Variants in FBXO4 observed in about 807,000 individuals in gnomAD.
FBXO4 encodes F-box only protein 4.
FBXO4 carries 36 observed loss-of-function variants against 43.7 expected under a neutral mutation model. The observed-to-expected ratio is 0.82, with a 90% CI of 0.63 to 1.09. The LOEUF (loss-of-function observed/expected upper bound fraction) is 1.09, where lower values mean the gene tolerates loss of function less well. FBXO4 is among the 50% of genes least tolerant of loss of function. The pLI, the probability that FBXO4 is intolerant of heterozygous loss-of-function variation, is 0.00. For synonymous variants in FBXO4, 180 were observed against 165.6 expected, an observed-to-expected ratio of 1.09 and a Z score of -0.67; for missense variants, 435 against 474.1, an observed-to-expected ratio of 0.92 and a Z score of 0.77.
Position 41,927,264 on chromosome 5 carries a change from T to TA in FBXO4, c.425+17dup, listed in dbSNP as rs768724269. On this transcript the variant is annotated intron_variant, in intron 2 of 6. Coordinates refer to ENST00000281623, the MANE Select transcript of FBXO4 (RefSeq NM_012176.3). ...ACATGGCAGTGTAAGTATCTAGTTT[T>TA]ATGAATTAAAAAGAAGCTATTAAAT... 5 of 1,530,722 alleles carry TA rather than the reference T, an allele frequency of 3.3e-6. No individual in the cohort carries two copies. The East Asian group carries it at 1.1e-4, about 35-fold the overall frequency. 94.8% of individuals were successfully genotyped at this position (1,530,722 alleles called of 1,614,324 possible).
chr5:41,936,278 G>C (rs2112582497), intron 5 of FBXO4, among the ~76,000 whole-genome samples: 1 of 152,310 alleles, frequency 6.6e-6, no homozygotes, highest in South Asian at 2.1e-4. Flanking sequence ...TCTAGGTCAG[G>C]TACAGTGGCT....
the FBXO4 span, among the ~76,000 whole-genome samples, chr5:42,040,319 G>T: frequency 6.6e-6 from 1 of 151,868 alleles, no homozygotes; most frequent in Non-Finnish European, 1.5e-5. Context: ...TTTTGGTTTC[G>T]TTTGTTTACT....
At chr5:41,933,270 C>T (rs1352560511) in intron 3 of FBXO4, among the ~76,000 whole-genome samples, 6 of 152,152 alleles carry the variant, frequency 3.9e-5, no homozygotes, top group African/African-American at 1.4e-4. Context: ...GGCTGGAGTA[C>T]AGTGGCATGA....
At chr5:41,999,507 GTATA>G in the FBXO4 span, among the ~76,000 whole-genome samples, 132 of 108,776 alleles carry the variant, frequency 1.2e-3, no homozygotes, top group African/African-American at 2.7e-3. Flanking sequence ...ATATATATGT[GTATA>G]TATATATATA....
chr5:41,952,622 TC>T, the FBXO4 span, among the ~76,000 whole-genome samples: 1 of 152,140 alleles, frequency 6.6e-6, no homozygotes, highest in Non-Finnish European at 1.5e-5. Context: ...TCTTCCCATG[TC>T]CTGTCCACTC....
At chr5:42,002,495 T>C in the FBXO4 span, among the ~76,000 whole-genome samples, 5 of 152,218 alleles carry the variant, frequency 3.3e-5, no homozygotes, top group Admixed American at 1.3e-4. Flanking sequence ...CATTTCCTTT[T>C]ATGATTGCCC....
the FBXO4 span, among the ~76,000 whole-genome samples, chr5:41,997,876 C>G: frequency 6.6e-6 from 1 of 152,112 alleles, no homozygotes; most frequent in Admixed American, 6.6e-5. Flanking sequence ...CTCAAGGGGA[C>G]CCAGCCTCCC....
At chr5:41,941,772 C>T (rs1407186396), downstream of FBXO4, 1 of 152,680 alleles carries the variant, frequency 6.5e-6, no homozygotes, top group Non-Finnish European at 1.5e-5. Context: ...AATATTATGG[C>T]CATACAATCT....
chr5:41,953,640 A>G, the FBXO4 span, among the ~76,000 whole-genome samples: 1 of 151,300 alleles, frequency 6.6e-6, no homozygotes, highest in Non-Finnish European at 1.5e-5. Context: ...CTATTTCTCC[A>G]CATCCTCTCC....
the FBXO4 span, among the ~76,000 whole-genome samples, chr5:41,953,863 AT>A: frequency 2.0e-5 from 3 of 151,924 alleles, no homozygotes; most frequent in African/African-American, 7.3e-5. Context: ...TTTCTTGTAA[AT>A]TTGTTGGAGT....
the FBXO4 span, among the ~76,000 whole-genome samples, chr5:41,958,481 G>C: frequency 6.6e-6 from 1 of 152,136 alleles, no homozygotes; most frequent in Non-Finnish European, 1.5e-5. Context: ...GTAAACATGA[G>C]TACAATAGAG....
At chr5:42,037,462 A>G in the FBXO4 span, among the ~76,000 whole-genome samples, 1 of 152,026 alleles carries the variant, frequency 6.6e-6, no homozygotes, top group African/African-American at 2.4e-5. Context: ...GGAAGAAGGG[A>G]GGGGAAAAAC....
At chr5:41,967,616 A>C in the FBXO4 span, 1 of 1,076,406 alleles carries the variant, frequency 9.3e-7, no homozygotes, top group African/African-American at 1.6e-5. Context: ...ATTCTTCCCT[A>C]GGGTTGGAAT....
chr5:41,999,503 ATG>A, the FBXO4 span, among the ~76,000 whole-genome samples: 1,096 of 67,274 alleles, frequency 0.016, 31 homozygotes, highest in Admixed American at 0.085. Flanking sequence ...ACATATATAT[ATG>A]TGTATATATA....
the FBXO4 span, among the ~76,000 whole-genome samples, chr5:42,039,346 G>A: frequency 6.6e-6 from 1 of 151,974 alleles, no homozygotes; most frequent in African/African-American, 2.4e-5. Context: ...TCTTGACAAT[G>A]TTCCTCACAG....
At chr5:41,966,845 G>A in the FBXO4 span, among the ~76,000 whole-genome samples, 1 of 152,026 alleles carries the variant, frequency 6.6e-6, no homozygotes, top group African/African-American at 2.4e-5. Flanking sequence ...TTTTAACAGA[G>A]GTGGCTTGAC....
chr5:41,950,328 T>C, the FBXO4 span, among the ~76,000 whole-genome samples: 2 of 152,110 alleles, frequency 1.3e-5, no homozygotes, highest in East Asian at 3.8e-4. Flanking sequence ...TGACAAGGGC[T>C]AATACCCAGA....
the FBXO4 span, among the ~76,000 whole-genome samples, chr5:41,947,541 T>G: frequency 6.6e-5 from 10 of 152,170 alleles, no homozygotes; most frequent in Non-Finnish European, 1.2e-4. Context: ...AGGCTTAAGC[T>G]TTCACAAGAG....
the FBXO4 span, among the ~76,000 whole-genome samples, chr5:41,975,912 A>T: frequency 6.6e-6 from 1 of 152,172 alleles, no homozygotes; most frequent in Non-Finnish European, 1.5e-5. Flanking sequence ...TGGTGCCAGC[A>T]TCTGCTTGGC....
Sources: gnomAD v4.1 joint callset for allele counts (sites outside exome capture counted in the v4.1 genomes callset) on GRCh38, gnomAD v4.1.1 for gene constraint, MANE v1.5 for transcripts, NCBI Gene and HGNC (gene_info 2026-07-23, HGNC 2026-07-21) for gene names.